Variants in SVEP1 observed in about 807,000 individuals in gnomAD.
SVEP1 encodes sushi, von Willebrand factor type A, EGF and pentraxin domain containing 1, also known as sushi, von Willebrand factor type A, EGF and pentraxin domain-containing protein 1.
A neutral mutation model predicts 367.3 loss-of-function variants in SVEP1; 164 were observed. The ratio of observed to expected loss-of-function variants is 0.45; its 90% CI spans 0.39 to 0.51. The LOEUF (loss-of-function observed/expected upper bound fraction) is 0.51. SVEP1 is among the 20% of genes least tolerant of loss of function. The pLI, the probability that SVEP1 is intolerant of heterozygous loss-of-function variation, is 0.00. For synonymous variants in SVEP1, 1,666 were observed against 1,611.6 expected, an observed-to-expected ratio of 1.03 and a Z score of -0.81; for missense variants, 4,117 against 4,425.3, an observed-to-expected ratio of 0.93 and a Z score of 1.98.
In SVEP1 at chr9:110,431,895, GT is replaced by G. The variant is rs1473848071; in HGVS notation, c.5353+19del. ...AAAAGAATGGAATTAGGAACTTTTA[GT>G]TCTACATATATTGGTTACCTGCACA... On this transcript the variant is annotated intron_variant, in intron 32 of 47. Transcript: ENST00000374469. The G allele has an allele frequency of 5.6e-6, 9 of 1,613,058 alleles. No homozygotes were observed. The highest frequency in any genetic ancestry group is 7.6e-6 in the Non-Finnish European group (9 of 1,179,368).
Position 110,513,076 on chromosome 9 carries a change from C to T in SVEP1, c.1153G>A (p.Glu385Lys), listed in dbSNP as rs1042692688. The T allele has an allele frequency of 2.0e-5, 32 of 1,613,664 alleles. No homozygotes were observed. The highest frequency in any genetic ancestry group is 3.3e-5 in the South Asian group (3 of 91,076). ...LVHCPALKPPENGYFIQNTCN... is the reference protein window; with the variant it reads ...LVHCPALKPPKNGYFIQNTCN... ...GTGTTTTGGATAAAGTAACCATTTT[C>T]GGGAGGCTTCAGGGCAGGGCAGTGG... Residue 385 changes from glutamate (E) to lysine (K), a missense_variant, in exon 5 of 48, where the codon GAA becomes AAA. By Grantham distance (56) the Glu-to-Lys change is moderately conservative (BLOSUM62 1). Coordinates refer to ENST00000374469, the MANE Select transcript of SVEP1 (RefSeq NM_153366.4).
intron 37 of SVEP1, among the ~76,000 whole-genome samples, chr9:110,409,407 G>A (rs1339721468): frequency 6.6e-6 from 1 of 152,034 alleles, no homozygotes; most frequent in Non-Finnish European, 1.5e-5. Context: ...GGGAGACAGA[G>A]CAAGACTCTG....
At chr9:110,495,321 G>T (rs1222363214) in intron 8 of SVEP1, among the ~76,000 whole-genome samples, 1 of 152,060 alleles carries the variant, frequency 6.6e-6, no homozygotes, top group Non-Finnish European at 1.5e-5. Flanking sequence ...TAGCAGACAC[G>T]ACTAAATTAA....
At position 110,489,667 on chromosome 9, in the gene SVEP1, A is replaced by T. The variant is rs763100052; in HGVS notation, c.1913T>A (p.Phe638Tyr). Residue 638 changes from phenylalanine to tyrosine, a missense_variant, in exon 9 of 48, where the codon TTC becomes TAC. By Grantham distance (22) the Phe-to-Tyr change is conservative (BLOSUM62 3). Around this residue, in one of 4 missense-constraint regions of SVEP1, gnomAD observed 2,174 missense variants for 2,494.3 expected, o/e 0.87. Coordinates refer to ENST00000374469, the MANE Select transcript of SVEP1 (RefSeq NM_153366.4). The stretch of plus-strand genomic sequence containing the variant: ...TCACTTACCAATAACCTTGATATGG[A>T]AAATGCAGCTGGCCTGGTTGCCGGA... ...DLSGNQASCIFHIKVIDAEPP... is the reference protein window; with the variant it reads ...DLSGNQASCIYHIKVIDAEPP... 3.1e-6 allele frequency: 5 copies of T among 1,613,058 alleles called. No homozygotes were observed. The highest frequency in any genetic ancestry group is 1.7e-5 in the Admixed American group (1 of 59,892).
At chr9:110,455,545 G>T in intron 22 of SVEP1, 45 bp downstream of exon 22, 1 of 1,402,316 alleles carries the variant, frequency 7.1e-7, no homozygotes. Flanking sequence ...AAATGTTAAT[G>T]ATTCAAAGAT....
intron 8 of SVEP1, among the ~76,000 whole-genome samples, chr9:110,494,977 T>C (rs937301947): frequency 1.3e-5 from 2 of 152,178 alleles, no homozygotes; most frequent in Non-Finnish European, 2.9e-5. Flanking sequence ...TCCTAGTATA[T>C]TTCTCTGGTC....
chr9:110,399,331 A>C (rs942010267), intron 40 of SVEP1, among the ~76,000 whole-genome samples: 66 of 132,348 alleles, frequency 5.0e-4, no homozygotes, highest in African/African-American at 1.6e-3. Context: ...AACATCACAC[A>C]CTGGGTCCTG....
chr9:110,404,423 T>A lies in SVEP1; in HGVS notation c.9570A>T (p.Ile3190=). The A allele has an allele frequency of 6.2e-7, 1 of 1,613,966 alleles. No individual in the cohort carries two copies. The change falls in exon 39 of 48, where the codon ATA becomes ATT. Residue 3190 remains isoleucine, a synonymous_variant. Transcript: ENST00000374469. ...KCPLPENITH[I]LVHGDDFSVN... Reference sequence around the variant, plus strand: ...CACTGAAATCGTCCCCATGTACAAGTATATGTGTTATGTTTTCCGGGAGAG... The same window carrying A: ...CACTGAAATCGTCCCCATGTACAAGAATATGTGTTATGTTTTCCGGGAGAG...
chr9:110,509,745 C>T (rs184382527), intron 5 of SVEP1, among the ~76,000 whole-genome samples: 12 of 152,286 alleles, frequency 7.9e-5, no homozygotes, highest in East Asian at 1.9e-4. Flanking sequence ...TGTACATCAA[C>T]GTATACATTT....
At chr9:110,568,686 A>G (rs759276895) in intron 1 of SVEP1, among the ~76,000 whole-genome samples, 4 of 152,214 alleles carry the variant, frequency 2.6e-5, no homozygotes, top group Non-Finnish European at 5.9e-5. Flanking sequence ...ATGATTACAA[A>G]TGCACAAGTT....
chr9:110,433,594 A>C lies in SVEP1; in HGVS notation c.5059+742T>G, dbSNP rs1411170154. Among the ~76,000 whole-genome samples, 4 of 150,458 alleles carry C rather than the reference A, an allele frequency of 2.7e-5. No homozygotes were observed. The South Asian group carries it at 8.4e-4, about 31-fold the overall frequency. ...CTCAGCGATCCTCCCATTTCAGCCTACTGAGTAGCTGGAATTACTGGCACA... is the reference window on the plus strand; with the variant it reads ...CTCAGCGATCCTCCCATTTCAGCCTCCTGAGTAGCTGGAATTACTGGCACA... On this transcript the variant is annotated intron_variant, in intron 30 of 47. Transcript: ENST00000374469.
intron 3 of SVEP1, among the ~76,000 whole-genome samples, chr9:110,534,348 G>A (rs1055061205): frequency 2.6e-5 from 4 of 152,132 alleles, no homozygotes; most frequent in African/African-American, 9.7e-5. Flanking sequence ...TTCCTGCAAA[G>A]GACATGATCT....
In SVEP1 at chr9:110,378,633, T is replaced by C. The variant is rs557993176; in HGVS notation, c.10408+714A>G. ...TCCCATTTGTCAATTTTGTCTTTTG[T>C]TGCCATTGCTTTTGGTGTTTTAGAC... On this transcript the variant is annotated intron_variant, in intron 44 of 47. Transcript: ENST00000374469. 2.9e-3 allele frequency among the ~76,000 whole-genome samples: 441 copies of C among 152,150 alleles called. 1 individual carries two copies. Among genetic ancestry groups the C allele is most frequent in the African/African-American group, 0.01 (425 of 41,510 alleles).
intron 3 of SVEP1, among the ~76,000 whole-genome samples, chr9:110,517,597 CAAAA>C (rs10656763): frequency 7.9e-6 from 1 of 125,800 alleles, no homozygotes. Flanking sequence ...GACGCTATCT[CAAAA>C]AAAAAAAAAA....
chr9:110,368,799 G>T (rs1284932986), intron 47 of SVEP1, among the ~76,000 whole-genome samples: 3 of 152,078 alleles, frequency 2.0e-5, no homozygotes, highest in East Asian at 3.9e-4. Context: ...TGCTGTTTAG[G>T]GTTCAGTTTA....
intron 20 of SVEP1, chr9:110,458,113 AC>A (rs1239728365): frequency 2.0e-6 from 1 of 497,130 alleles, no homozygotes; most frequent in African/African-American, 1.9e-5. Context: ...AAGTTGGGTA[AC>A]TCTGCCTGCC....
intron 13 of SVEP1, among the ~76,000 whole-genome samples, chr9:110,478,343 G>A (rs1829130376): frequency 6.6e-6 from 1 of 152,266 alleles, no homozygotes; most frequent in African/African-American, 2.4e-5. Flanking sequence ...TATAAGCACA[G>A]GGAGTTTTGC....
chr9:110,535,605 A>G (rs1393863065), intron 3 of SVEP1, among the ~76,000 whole-genome samples: 2 of 152,194 alleles, frequency 1.3e-5, no homozygotes, highest in Admixed American at 6.5e-5. Flanking sequence ...TTTGGGAGGT[A>G]TGGCCATAGT....
intron 3 of SVEP1, among the ~76,000 whole-genome samples, chr9:110,524,656 G>T (rs1245595997): frequency 1.3e-5 from 2 of 150,732 alleles, no homozygotes; most frequent in Non-Finnish European, 3.0e-5. Flanking sequence ...TAACAGAAGA[G>T]AATTTACTCA....
Sources: gnomAD v4.1 joint callset for allele counts (sites outside exome capture counted in the v4.1 genomes callset) on GRCh38, gnomAD v4.1.1 for gene constraint, gnomAD v4.1.1 regional missense constraint, MANE v1.5 for transcripts, NCBI Gene and HGNC (gene_info 2026-07-23, HGNC 2026-07-21) for gene names.